CAMKV: variants seen among roughly 807,000 people sequenced by gnomAD.
CAMKV encodes caM kinase-like vesicle-associated protein.
A neutral mutation model predicts 50.2 loss-of-function variants in CAMKV; 5 were observed. The ratio of observed to expected loss-of-function variants is 0.10; its 90% CI spans 0.05 to 0.21. The LOEUF is 0.21. Among genes scored for constraint, CAMKV ranks in the 10% least tolerant of loss-of-function variants. CAMKV has a pLI of 1.00. For missense variants in CAMKV, 361 were observed against 650.5 expected, an observed-to-expected ratio of 0.55 and a Z score of 4.84; for synonymous variants, 229 against 250.1, an observed-to-expected ratio of 0.92 and a Z score of 0.80.
Position 49,860,668 on chromosome 3 carries a change from T to G in CAMKV, c.775+48A>C. 3 of 1,612,630 alleles carry G rather than the reference T, an allele frequency of 1.9e-6. No individual in the cohort carries two copies. The highest frequency in any genetic ancestry group is 2.5e-6 in the Non-Finnish European group (3 of 1,178,930). ...AGAGGAAGATGAGAGCAGGACACCC[T>G]CCCCACTCCCTTGCGTTCTACCAAG... On this transcript the variant is annotated intron_variant, in intron 8 of 10. Transcript: ENST00000477224. The surrounding 1 kb of genome is among the most constrained non-coding windows in gnomAD (Gnocchi z 6.1).
Position 49,861,961 on chromosome 3 carries a change from G to A in CAMKV, c.227+84C>T, listed in dbSNP as rs1365996988. On this transcript the variant is annotated intron_variant, in intron 3 of 10. Transcript: ENST00000477224. This position sits in a 1 kb window ranked among gnomAD's most constrained non-coding sequence, Gnocchi z 7.7. ...GGCCACAGCAGACTAATTGGCCAGA[G>A]GCTGGGACTGCCTGAGGCCACTTGC... The A allele has an allele frequency of 1.5e-5, 24 of 1,608,288 alleles. No homozygotes were observed. Among genetic ancestry groups the A allele is most frequent in the Non-Finnish European group, 2.0e-5 (24 of 1,176,934 alleles).
intron 1 of CAMKV, among the ~76,000 whole-genome samples, chr3:49,868,730 G>T (rs2082083706): frequency 6.6e-6 from 1 of 152,196 alleles, no homozygotes; most frequent in Non-Finnish European, 1.5e-5. Flanking sequence ...AACTCTGAGG[G>T]TGGGGGAGGG....
intron 1 of CAMKV, among the ~76,000 whole-genome samples, chr3:49,865,355 G>A (rs1288051655): frequency 6.6e-6 from 1 of 152,196 alleles, no homozygotes; most frequent in East Asian, 1.9e-4. Flanking sequence ...GTACTGGGCA[G>A]GAGGATGGTA....
chr3:49,859,287 A>G lies in CAMKV; in HGVS notation c.*31T>C. 2.1e-6 allele frequency: 3 copies of G among 1,420,828 alleles called. No individual in the cohort carries two copies. Among genetic ancestry groups the G allele is most frequent in the Non-Finnish European group, 2.8e-6 (3 of 1,054,100 alleles). The allele number at this position is 1,420,828 out of a possible 1,614,324, so 88.0% of individuals were successfully genotyped here. A position where few individuals can be genotyped will look rare whatever the true frequency, so the allele number is the denominator to read the frequency against. ...CATCCACTCTCCCACCCTCCTGCCC[A>G]TCCCCTGCCCCCCCTCACCAGGCTG... is the stretch of plus-strand genomic sequence containing the variant. On this transcript the variant is annotated 3_prime_UTR_variant, in exon 11 of 11. Transcript: ENST00000477224. This position sits in a 1 kb window ranked among gnomAD's most constrained non-coding sequence, Gnocchi z 5.5.
At chr3:49,866,074 A>G (rs939758423) in intron 1 of CAMKV, among the ~76,000 whole-genome samples, 13 of 149,080 alleles carry the variant, frequency 8.7e-5, no homozygotes, top group African/African-American at 3.2e-4. Context: ...GCCCCCTACT[A>G]TGGCTGCCCA....
Position 49,858,556 on chromosome 3 carries a change from G to A in CAMKV, c.*762C>T, listed in dbSNP as rs72938156. ...CTGCCCTGCCAGGTCTCATTGCCAC[G>A]TCCTAATTGTTCCTCCTTTCCCTTA... On this transcript the variant is annotated 3_prime_UTR_variant, in exon 11 of 11. Coordinates refer to ENST00000477224, the MANE Select transcript of CAMKV (RefSeq NM_024046.5). The A allele has an allele frequency of 2.7e-3, 1,073 of 392,202 alleles. 12 individuals are homozygous for A. Among genetic ancestry groups the A allele is most frequent in the African/African-American group, 0.019 (917 of 48,572 alleles). The allele number at this position is 392,202 out of a possible 1,614,324, so 24.3% of individuals were successfully genotyped here.
rs2082007885 is a variant in CAMKV, at chr3:49,859,966, A to G, written c.943-85T>C. 7.5e-7 allele frequency: 1 copy of G among 1,330,156 alleles called. No individual in the cohort carries two copies. The highest frequency in any genetic ancestry group is 1.0e-6 in the Non-Finnish European group (1 of 990,124). The allele number at this position is 1,330,156 out of a possible 1,614,324, so 82.4% of individuals were successfully genotyped here. On this transcript the variant is annotated intron_variant, in intron 10 of 10. Coordinates refer to ENST00000477224, the MANE Select transcript of CAMKV (RefSeq NM_024046.5). The surrounding 1 kb of genome is among the most constrained non-coding windows in gnomAD (Gnocchi z 5.5). ...AGTGACCAAACCAAACTCCTTCCAT[A>G]GTACCCCCGGCCACCTCCATCCACC...
At position 49,859,813 on chromosome 3, in the gene CAMKV, G is replaced by A. The variant is rs747162277; in HGVS notation, c.1011C>T (p.Ala337=). 5.8e-6 allele frequency: 9 copies of A among 1,544,944 alleles called. No individual in the cohort carries two copies. In the East Asian group the frequency reaches 1.8e-4, roughly 31 times the overall value. The part of the protein sequence containing the change: ...RAPEQSSTAA[A]QSASATDTAT... ...CAGTGTCTGTGGCTGAGGCCGACTG[G>A]GCTGCAGCCGTGCTGGACTGCTCTG... The change falls in exon 11 of 11, where the codon GCC becomes GCT. Residue 337 remains alanine, a synonymous_variant. Transcript: ENST00000477224. This position sits in a 1 kb window ranked among gnomAD's most constrained non-coding sequence, Gnocchi z 5.5.
chr3:49,862,516 T>C lies in CAMKV; in HGVS notation c.-14-114A>G. 1 of 841,526 alleles carries C rather than the reference T, an allele frequency of 1.2e-6. No individual in the cohort carries two copies. Among genetic ancestry groups the C allele is most frequent in the South Asian group, 1.4e-5 (1 of 69,246 alleles). The allele number at this position is 841,526 out of a possible 1,614,324, so 52.1% of individuals were successfully genotyped here. A position where few individuals can be genotyped will look rare whatever the true frequency, so the allele number is the denominator to read the frequency against. ...CAGGCCAAGCTAGGGGCAGAGACCATACCAGGAGGGGCTAGAGGATAGGCA... is the reference window on the plus strand; with the variant it reads ...CAGGCCAAGCTAGGGGCAGAGACCACACCAGGAGGGGCTAGAGGATAGGCA... On this transcript the variant is annotated intron_variant, in intron 1 of 10. Transcript: ENST00000477224. The surrounding 1 kb of genome is among the most constrained non-coding windows in gnomAD (Gnocchi z 5.2).
At position 49,860,439 on chromosome 3, in the gene CAMKV, G is replaced by A. The variant is rs972743709; in HGVS notation, c.854+32C>T. ...GCTGCTGGGTGTGAGGGGGACCCTG[G>A]CCTCTCCCACCCTCCCCTGGACCCT... On this transcript the variant is annotated intron_variant, in intron 9 of 10. Transcript: ENST00000477224. This position sits in a 1 kb window ranked among gnomAD's most constrained non-coding sequence, Gnocchi z 6.1. 1.2e-6 allele frequency: 2 copies of A among 1,604,754 alleles called. No homozygotes were observed. The highest frequency in any genetic ancestry group is 1.7e-6 in the Non-Finnish European group (2 of 1,173,486).
rs999500903 is a variant in CAMKV at position 49,859,065 on chromosome 3, C to G, written c.*253G>C. The G allele has an allele frequency of 1.9e-5, 8 of 429,690 alleles. No homozygotes were observed. Among genetic ancestry groups the G allele is most frequent in the African/African-American group, 1.6e-4 (8 of 50,984 alleles). 26.6% of individuals were successfully genotyped at this position (429,690 alleles called of 1,614,324 possible). A position where few individuals can be genotyped will look rare whatever the true frequency, so the allele number is the denominator to read the frequency against. ...AAGGAACAGAAACTGGTGAAGCTAG[C>G]AAAAGACAGAAAAGCCACAAGGAAT... On this transcript the variant is annotated 3_prime_UTR_variant, in exon 11 of 11. Coordinates refer to ENST00000477224, the MANE Select transcript of CAMKV (RefSeq NM_024046.5). This position sits in a 1 kb window ranked among gnomAD's most constrained non-coding sequence, Gnocchi z 5.5.
chr3:49,860,701 C>T lies in CAMKV; in HGVS notation c.775+15G>A, dbSNP rs1331668038. 3 of 1,613,908 alleles carry T rather than the reference C, an allele frequency of 1.9e-6. No homozygotes were observed. Among genetic ancestry groups the T allele is most frequent in the Non-Finnish European group, 2.5e-6 (3 of 1,179,854 alleles). ...CCCTTGCGTTCTACCAAGTGCTGGG[C>T]AGGCACCTCCTCACCTGCCTGCGAA... On this transcript the variant is annotated intron_variant, in intron 8 of 10. Transcript: ENST00000477224. This position sits in a 1 kb window ranked among gnomAD's most constrained non-coding sequence, Gnocchi z 6.1.
chr3:49,862,059 T>C lies in CAMKV; in HGVS notation c.213A>G (p.Ile71Met), dbSNP rs769648151. ...CTCAAACTCACATCTTGAGGATGCC[T>C]ATCTCGTTCTTGGCAGCTTTCCGCA... The part of the protein sequence containing the change: ...RKVRKAAKNE[I>M]GILKMVKHPN... The change falls in exon 3 of 11, where the codon ATA becomes ATG. Residue 71 changes from isoleucine to methionine, a missense_variant. By Grantham distance (10) the Ile-to-Met change is conservative. Around this residue, in one of 4 missense-constraint regions of CAMKV, gnomAD observed 172 missense variants for 414.3 expected, o/e 0.42. Coordinates refer to ENST00000477224, the MANE Select transcript of CAMKV (RefSeq NM_024046.5). The surrounding 1 kb of genome is among the most constrained non-coding windows in gnomAD (Gnocchi z 5.2). 1 of 1,614,104 alleles carries C rather than the reference T, an allele frequency of 6.2e-7. No homozygotes were observed. Among genetic ancestry groups the C allele is most frequent in the Non-Finnish European group, 8.5e-7 (1 of 1,180,008 alleles).
chr3:49,860,387 G>A lies in CAMKV; in HGVS notation c.854+84C>T, dbSNP rs2082010716. ...GGGCTGCCCTGAGCTCTAGGTACCTGCACCCCTTCCAGGCCTCAAAGATGG... is the reference window on the plus strand; with the variant it reads ...GGGCTGCCCTGAGCTCTAGGTACCTACACCCCTTCCAGGCCTCAAAGATGG... On this transcript the variant is annotated intron_variant, in intron 9 of 10. Transcript: ENST00000477224. The surrounding 1 kb of genome is among the most constrained non-coding windows in gnomAD (Gnocchi z 6.1). The A allele has an allele frequency of 1.3e-6, 2 of 1,548,478 alleles. No individual in the cohort carries two copies. Among genetic ancestry groups the A allele is most frequent in the Non-Finnish European group, 1.8e-6 (2 of 1,125,752 alleles).
In CAMKV at chr3:49,869,599, C is replaced by G. The variant is rs548408406; in HGVS notation, c.-15+159G>C. Among the ~76,000 whole-genome samples the G allele has an allele frequency of 1.3e-5, 2 of 152,204 alleles. No homozygotes were observed. Among genetic ancestry groups the G allele is most frequent in the African/African-American group, 2.4e-5 (1 of 41,466 alleles). ...TTAGCCCGACCCCGCACTCCCTCCC[C>G]CAAATCTGCAAAGCCCGCGCGCTCT... On this transcript the variant is annotated intron_variant, in intron 1 of 10. Transcript: ENST00000477224. This position sits in a 1 kb window ranked among gnomAD's most constrained non-coding sequence, Gnocchi z 5.2.
chr3:49,859,401 C>A lies in CAMKV; in HGVS notation c.1423G>T (p.Ala475Ser). The A allele has an allele frequency of 6.3e-7, 1 of 1,598,956 alleles. No individual in the cohort carries two copies. Among genetic ancestry groups the A allele is most frequent in the Non-Finnish European group, 8.5e-7 (1 of 1,170,120 alleles). ...CTAGAGGGTGGAGCCTGGCCTGTGGCGCCCTCTGGGGCTGTGCTGTCCGGC... is the reference window on the plus strand; with the variant it reads ...CTAGAGGGTGGAGCCTGGCCTGTGGAGCCCTCTGGGGCTGTGCTGTCCGGC... ...AQPDSTAPEG[A>S]TGQAPPSSKG... The change falls in exon 11 of 11, where the codon GCC (alanine) becomes TCC (serine). Residue 475 changes from alanine to serine, a missense_variant. Ala to Ser is a moderately conservative substitution (Grantham distance 99, BLOSUM62 1). Coordinates refer to ENST00000477224, the MANE Select transcript of CAMKV (RefSeq NM_024046.5). The surrounding 1 kb of genome is among the most constrained non-coding windows in gnomAD (Gnocchi z 5.5).
At chr3:49,864,636 G>A (rs978684999) in intron 1 of CAMKV, among the ~76,000 whole-genome samples, 5 of 152,120 alleles carry the variant, frequency 3.3e-5, no homozygotes, top group African/African-American at 9.7e-5. Flanking sequence ...CATAATACCC[G>A]GTCAGTGTGA....
rs1017105143 is a variant in CAMKV at position 49,862,507 on chromosome 3, C to T, written c.-14-105G>A. The T allele has an allele frequency of 2.2e-6, 2 of 928,852 alleles. No homozygotes were observed. The highest frequency in any genetic ancestry group is 1.9e-5 in the Admixed American group (1 of 52,496). 57.5% of individuals were successfully genotyped at this position (928,852 alleles called of 1,614,324 possible). On this transcript the variant is annotated intron_variant, in intron 1 of 10. Transcript: ENST00000477224. The surrounding 1 kb of genome is among the most constrained non-coding windows in gnomAD (Gnocchi z 5.2). ...AACCTGGCTCAGGCCAAGCTAGGGG[C>T]AGAGACCATACCAGGAGGGGCTAGA... is the stretch of plus-strand genomic sequence containing the variant.
rs2082025053 is a variant in CAMKV, at chr3:49,861,918, G to A, written c.228-53C>T. The A allele has an allele frequency of 6.2e-7, 1 of 1,608,708 alleles. No homozygotes were observed. The highest frequency in any genetic ancestry group is 1.7e-5 in the Admixed American group (1 of 59,476). On this transcript the variant is annotated intron_variant, in intron 3 of 10. Coordinates refer to ENST00000477224, the MANE Select transcript of CAMKV (RefSeq NM_024046.5). This position sits in a 1 kb window ranked among gnomAD's most constrained non-coding sequence, Gnocchi z 7.7. ...TAGGGCTGGATGAACCCCTGGGAGA[G>A]GCTGTGGTCACCACAGTGGCCACAG...
Sources: allele counts gnomAD v4.1 joint callset (sites outside exome capture counted in the v4.1 genomes callset), GRCh38; gene constraint gnomAD v4.1.1; regional missense constraint gnomAD v4.1.1; non-coding constraint Gnocchi (gnomAD v3.1); transcripts MANE v1.5; gene names NCBI Gene and HGNC (gene_info 2026-07-23, HGNC 2026-07-21).